Variants in ABI3BP observed in about 807,000 individuals in gnomAD.
The protein encoded by ABI3BP is target of Nesh-SH3.
Under a neutral mutation model 268.6 loss-of-function variants are expected in ABI3BP, and 216 were observed. That is an observed-to-expected ratio of 0.80 (90% confidence interval 0.72 to 0.90). ABI3BP has a LOEUF of 0.90. Among genes scored for constraint, ABI3BP ranks in the 40% least tolerant of loss-of-function variants. The pLI is 0.00. For synonymous variants in ABI3BP, 730 were observed against 730.0 expected, an observed-to-expected ratio of 1.00 and a Z score of 0.00; for missense variants, 2,090 against 2,182.4, an observed-to-expected ratio of 0.96 and a Z score of 0.84.
chr3:100,808,227 G>C lies in ABI3BP; in HGVS notation c.3616C>G (p.Gln1206Glu), dbSNP rs1435476177. The C allele has an allele frequency of 6.2e-7, 1 of 1,608,900 alleles. No homozygotes were observed. Among genetic ancestry groups the C allele is most frequent in the Non-Finnish European group, 8.5e-7 (1 of 1,177,454 alleles). Reference protein sequence around the residue: ...DEPQTEPAPKQTPRAPPKPKT... With the variant: ...DEPQTEPAPKETPRAPPKPKT... Reference sequence around the variant, plus strand: ...GGCTTAGGAGGAGCACGTGGTGTCTGCTTGGGAGCTAAAAGAAAGGATATA... The same window carrying C: ...GGCTTAGGAGGAGCACGTGGTGTCTCCTTGGGAGCTAAAAGAAAGGATATA... Residue 1206 changes from glutamine (Q) to glutamate (E), a missense_variant, in exon 50 of 68, where the codon CAG becomes GAG. Coordinates refer to ENST00000471714, the MANE Select transcript of ABI3BP (RefSeq NM_001375547.2).
intron 35 of ABI3BP, 109 bp from the exon 36 acceptor site, chr3:100,825,050 G>T (rs1258507012): frequency 6.8e-6 from 6 of 885,760 alleles, no homozygotes; most frequent in Non-Finnish European, 1.0e-5. Context: ...AACTTTAGTT[G>T]TTTTTAGTTT....
chr3:100,928,579 A>C (rs1202724341), intron 1 of ABI3BP, among the ~76,000 whole-genome samples: 1 of 152,108 alleles, frequency 6.6e-6, no homozygotes, highest in Non-Finnish European at 1.5e-5. Context: ...TGTGCATAGT[A>C]GTTTTTACTT....
chr3:100,792,568 T>C (rs1266569841), intron 55 of ABI3BP, 123 bp downstream of exon 55: 3 of 989,618 alleles, frequency 3.0e-6, no homozygotes, highest in African/African-American at 3.3e-5. Flanking sequence ...CTTTCACCTA[T>C]AAAATGACAA....
chr3:100,919,940 A>G (rs1159360530), intron 2 of ABI3BP, among the ~76,000 whole-genome samples: 1 of 152,196 alleles, frequency 6.6e-6, no homozygotes, highest in African/African-American at 2.4e-5. Context: ...CAGCTTTGAC[A>G]CAGGATACCC....
chr3:100,901,570 C>A (rs866724361), intron 3 of ABI3BP, among the ~76,000 whole-genome samples: 1 of 151,952 alleles, frequency 6.6e-6, no homozygotes, highest in African/African-American at 2.4e-5. Flanking sequence ...TCGAGACTGT[C>A]CTGGCTAACA....
chr3:100,833,861 C>T (rs936180507), intron 29 of ABI3BP, among the ~76,000 whole-genome samples: 5 of 152,218 alleles, frequency 3.3e-5, no homozygotes, highest in African/African-American at 1.2e-4. Flanking sequence ...GCCTTTCTTA[C>T]AATCAGGTTG....
intron 57 of ABI3BP, among the ~76,000 whole-genome samples, chr3:100,784,098 G>A (rs2096953044): frequency 2.0e-5 from 3 of 152,134 alleles, no homozygotes; most frequent in South Asian, 2.1e-4. Flanking sequence ...ATACATCAGG[G>A]AAAATATCTA....
At chr3:100,780,419 G>A (rs1318472714) in intron 57 of ABI3BP, among the ~76,000 whole-genome samples, 1 of 152,066 alleles carries the variant, frequency 6.6e-6, no homozygotes, top group Non-Finnish European at 1.5e-5. Context: ...TGTAGAATTA[G>A]CATTTCATGG....
chr3:100,923,802 TC>T (rs1326845691), intron 2 of ABI3BP, among the ~76,000 whole-genome samples: 1 of 152,152 alleles, frequency 6.6e-6, no homozygotes, highest in Admixed American at 6.5e-5. Flanking sequence ...TGTTTATAAC[TC>T]CTGAATAAAA....
intron 51 of ABI3BP, among the ~76,000 whole-genome samples, chr3:100,799,699 C>T (rs1490299930): frequency 6.6e-6 from 1 of 152,142 alleles, no homozygotes; most frequent in Non-Finnish European, 1.5e-5. Flanking sequence ...CATCTGGAAG[C>T]TCTTTTTCCT....
chr3:100,815,807 A>G (rs2098020991), intron 44 of ABI3BP, 105 bp downstream of exon 44: 1 of 723,782 alleles, frequency 1.4e-6, no homozygotes, highest in African/African-American at 1.8e-5. Context: ...GTAGAATGGA[A>G]TAACAGCGTC....
intron 1 of ABI3BP, among the ~76,000 whole-genome samples, chr3:100,955,275 C>T (rs546724920): frequency 2.6e-5 from 4 of 152,228 alleles, no homozygotes; most frequent in South Asian, 2.1e-4. Context: ...GCATGTCAGA[C>T]GGGTGTCTCA....
At chr3:100,945,245 T>C (rs529667780) in intron 1 of ABI3BP, among the ~76,000 whole-genome samples, 4 of 152,062 alleles carry the variant, frequency 2.6e-5, no homozygotes, top group East Asian at 3.9e-4. Context: ...TTCAAATATA[T>C]AAAAAAAGGA....
chr3:100,986,998 C>T (rs2091957464), intron 1 of ABI3BP, among the ~76,000 whole-genome samples: 1 of 151,616 alleles, frequency 6.6e-6, no homozygotes, highest in African/African-American at 2.4e-5. Flanking sequence ...CAAATGTATT[C>T]TTATTTGACT....
chr3:100,839,724 G>C, intron 23 of ABI3BP, 108 bp from the exon 24 acceptor site: 1 of 1,221,188 alleles, frequency 8.2e-7, no homozygotes, highest in Non-Finnish European at 1.2e-6. Flanking sequence ...CATTTTTTCT[G>C]AATGTGATTT....
intron 57 of ABI3BP, among the ~76,000 whole-genome samples, chr3:100,783,440 A>T (rs1022268939): frequency 6.6e-6 from 1 of 152,222 alleles, no homozygotes; most frequent in African/African-American, 2.4e-5. Context: ...TTTGCCTAGT[A>T]CATAATGGGC....
At chr3:100,985,392 G>A (rs902844527) in intron 1 of ABI3BP, among the ~76,000 whole-genome samples, 30 of 151,764 alleles carry the variant, frequency 2.0e-4, no homozygotes, top group Admixed American at 7.9e-4. Flanking sequence ...CTCGTGATCC[G>A]CCCGCCTTGG....
chr3:100,983,078 G>T (rs1338893444), intron 1 of ABI3BP, among the ~76,000 whole-genome samples: 1 of 152,142 alleles, frequency 6.6e-6, no homozygotes, highest in East Asian at 1.9e-4. Context: ...AAACCAGAAT[G>T]TTTTCTTATC....
chr3:100,756,381 T>C (rs564865740), intron 63 of ABI3BP, among the ~76,000 whole-genome samples: 5 of 152,304 alleles, frequency 3.3e-5, no homozygotes, highest in Non-Finnish European at 7.3e-5. Flanking sequence ...AAAAATTAGC[T>C]GGGCATGGTG....
Sources: allele counts gnomAD v4.1 joint callset (sites outside exome capture counted in the v4.1 genomes callset), GRCh38; gene constraint gnomAD v4.1.1; transcripts MANE v1.5; gene names NCBI Gene and HGNC (gene_info 2026-07-23, HGNC 2026-07-21).